The following TMEM40 variants were observed in gnomAD, a reference collection of about 807,000 sequenced individuals.
TMEM40 encodes the protein transmembrane protein 40.
TMEM40 carries 34 observed loss-of-function variants against 40.8 expected under a neutral mutation model. That is an observed-to-expected ratio of 0.83 (90% CI 0.63 to 1.11). TMEM40 has a LOEUF of 1.11. Among genes scored for constraint, TMEM40 ranks in the 50% least tolerant of loss-of-function variants. The pLI is 0.00. For synonymous variants in TMEM40, 106 were observed against 107.0 expected, an observed-to-expected ratio of 0.99 and a Z score of 0.06; for missense variants, 296 against 280.2, an observed-to-expected ratio of 1.06 and a Z score of -0.40.
chr3:12,738,606 CAGTG>C lies in TMEM40; in HGVS notation c.356-22_356-19del, dbSNP rs1192594306. 6 of 1,612,358 alleles carry C rather than the reference CAGTG, an allele frequency of 3.7e-6. No individual in the cohort carries two copies. The highest frequency in any genetic ancestry group is 5.1e-6 in the Non-Finnish European group (6 of 1,178,542). On this transcript the variant is annotated intron_variant, in intron 5 of 11. Transcript: ENST00000314124. ...AGGAGCATCTGCACAGAAAGGAAAT[CAGTG>C]ATCATATACCCATGATCCTCTGGGG...
chr3:12,746,806 T>C (rs1013273618), intron 3 of TMEM40, among the ~76,000 whole-genome samples: 5 of 152,162 alleles, frequency 3.3e-5, no homozygotes, highest in Non-Finnish European at 4.4e-5. Context: ...CTCCAGGGTG[T>C]CTGGGTGCCA....
chr3:12,768,866 C>G (rs562729313), intron 1 of TMEM40, among the ~76,000 whole-genome samples: 1 of 142,350 alleles, frequency 7.0e-6, no homozygotes, highest in Admixed American at 7.3e-5. Context: ...TGGGGAGGCT[C>G]GGCCCTGCAG....
At position 12,743,753 on chromosome 3, in the gene TMEM40, A is replaced by G. The variant is rs553710244; in HGVS notation, c.301+147T>C. 291 of 692,850 alleles carry G rather than the reference A, an allele frequency of 4.2e-4. 3 individuals carry two copies. In the South Asian group the frequency reaches 6.3e-3, roughly 15 times the overall value. 42.9% of individuals were successfully genotyped at this position (692,850 alleles called of 1,614,324 possible). On this transcript the variant is annotated intron_variant, in intron 4 of 11. Coordinates refer to ENST00000314124, the MANE Select transcript of TMEM40 (RefSeq NM_018306.4). ...AGCTGTCACCAGGGCAGGGTGTAGC[A>G]TCCTTTATCTATTCTGCTGCTGTCA...
chr3:12,743,182 G>A (rs2061396617), intron 4 of TMEM40, among the ~76,000 whole-genome samples: 1 of 152,126 alleles, frequency 6.6e-6, no homozygotes, highest in African/African-American at 2.4e-5. Context: ...AGTAAAACAT[G>A]CTCGGCCAGG....
At chr3:12,753,801 T>G (rs1344527069) in intron 1 of TMEM40, among the ~76,000 whole-genome samples, 1 of 152,220 alleles carries the variant, frequency 6.6e-6, no homozygotes, top group African/African-American at 2.4e-5. Flanking sequence ...CCAGGGCCTC[T>G]GTACCCACGG....
At chr3:12,755,215 C>CTTTCTT (rs373985866) in intron 1 of TMEM40, among the ~76,000 whole-genome samples, 27 of 65,212 alleles carry the variant, frequency 4.1e-4, no homozygotes, top group African/African-American at 2.4e-3. Context: ...TTCTTTCTTT[C>CTTTCTT]TCTCTCTCTC....
intron 5 of TMEM40, 134 bp from the exon 6 acceptor site, chr3:12,738,722 G>A: frequency 1.1e-6 from 1 of 894,882 alleles, no homozygotes; most frequent in Non-Finnish European, 1.8e-6. Flanking sequence ...AATGGAGCCG[G>A]CTGGAGGGTT....
At chr3:12,737,835 A>G in intron 7 of TMEM40, 81 bp from the exon 8 acceptor site, 1 of 1,383,378 alleles carries the variant, frequency 7.2e-7, no homozygotes, top group African/African-American at 1.4e-5. Context: ...CTCATTGAGA[A>G]TTAATATCCT....
At chr3:12,748,889 G>C in intron 2 of TMEM40, 97 bp from the exon 3 acceptor site, 1 of 1,103,234 alleles carries the variant, frequency 9.1e-7, no homozygotes, top group Non-Finnish European at 1.3e-6. Context: ...GATTTGGAGA[G>C]CCAGGAAGGA....
At chr3:12,737,624 C>T in intron 8 of TMEM40, 83 bp downstream of exon 8, 2 of 1,311,728 alleles carry the variant, frequency 1.5e-6, no homozygotes, top group Non-Finnish European at 2.2e-6. Flanking sequence ...ATGATTACTG[C>T]TGTGCTAGGC....
rs1559533163 is a variant in TMEM40 at position 12,755,194 on chromosome 3, C to CTTT, written c.-9+3996_-9+3997insAAA. ...TTTCTCTCTCTCTCCTTCCTTCCTTCCTTCCTTTCTTTCTTTCTTTCTCTC... is the reference window on the plus strand; with the variant it reads ...TTTCTCTCTCTCTCCTTCCTTCCTTCTTTCTTCCTTTCTTTCTTTCTTTCTCTC... On this transcript the variant is annotated intron_variant, in intron 1 of 11. Coordinates refer to ENST00000314124, the MANE Select transcript of TMEM40 (RefSeq NM_018306.4). 8.1e-4 allele frequency among the ~76,000 whole-genome samples: 96 copies of CTTT among 118,976 alleles called. 3 individuals are homozygous for CTTT. Among genetic ancestry groups the CTTT allele is most frequent in the South Asian group, 3.2e-3 (13 of 4,048 alleles). The allele number at this position is 118,976 out of a possible 152,430, so 78.1% of individuals were successfully genotyped here.
chr3:12,747,736 C>A (rs1012220448), intron 3 of TMEM40, among the ~76,000 whole-genome samples: 2 of 151,488 alleles, frequency 1.3e-5, no homozygotes, highest in Admixed American at 6.6e-5. Flanking sequence ...ATAAAGAAAC[C>A]CTATCTCTAC....
intron 8 of TMEM40, 80 bp from the exon 9 acceptor site, chr3:12,736,915 G>A (rs538490946): frequency 6.4e-7 from 1 of 1,570,252 alleles, no homozygotes; most frequent in African/African-American, 1.4e-5. Flanking sequence ...GTCTTGCTCT[G>A]TCACCCAGGG....
In TMEM40 at chr3:12,736,881, C is replaced by CT. The variant is rs760437654; in HGVS notation, c.473-47dup. The CT allele has an allele frequency of 3.1e-6, 5 of 1,612,836 alleles. No homozygotes were observed. The South Asian group carries it at 3.3e-5, about 11-fold the overall frequency. On this transcript the variant is annotated intron_variant, in intron 8 of 11. Transcript: ENST00000314124. ...AATCACTATCTGCTGCTTTCTCTCT[C>CT]TTTTTTTGGGCAGAGGAGACAAGGT...
chr3:12,734,346 T>C lies in TMEM40; in HGVS notation c.*428A>G, dbSNP rs2061322852. 6.0e-6 allele frequency: 1 copy of C among 166,374 alleles called. No individual in the cohort carries two copies. The highest frequency in any genetic ancestry group is 2.4e-5 in the African/African-American group (1 of 42,180). 10.3% of individuals were successfully genotyped at this position (166,374 alleles called of 1,614,324 possible). On this transcript the variant is annotated 3_prime_UTR_variant, in exon 12 of 12. Transcript: ENST00000314124. Reference sequence around the variant, plus strand: ...CCGATGGCTCCCTGCCTCAAAGCAGTGGACCATCCATCTCTCCCAGGATGG... The same window carrying C: ...CCGATGGCTCCCTGCCTCAAAGCAGCGGACCATCCATCTCTCCCAGGATGG...
upstream of TMEM40, among the ~76,000 whole-genome samples, chr3:12,760,498 A>G (rs2061561810): frequency 6.6e-6 from 1 of 151,804 alleles, no homozygotes; most frequent in Admixed American, 6.6e-5. Context: ...CTCTGCCTGG[A>G]GTGCTCTCCC....
At chr3:12,738,688 T>A in intron 5 of TMEM40, 100 bp from the exon 6 acceptor site, 1 of 1,315,474 alleles carries the variant, frequency 7.6e-7, no homozygotes, top group Non-Finnish European at 1.1e-6. Flanking sequence ...ACTTCCCACT[T>A]AATCTGGAGT....
upstream of TMEM40, chr3:12,759,671 GGAGGCT>G (rs1469422572): frequency 6.6e-6 from 1 of 152,524 alleles, no homozygotes; most frequent in Non-Finnish European, 1.5e-5. Flanking sequence ...AATGCTCCCA[GGAGGCT>G]GAGGTTGGGC....
intron 10 of TMEM40, 123 bp downstream of exon 10, chr3:12,736,455 A>T: frequency 1.5e-6 from 2 of 1,306,152 alleles, no homozygotes; most frequent in Non-Finnish European, 1.1e-6. Flanking sequence ...TGGCCAGAAA[A>T]TTTTTTTAAA....
Sources: gnomAD v4.1 joint callset for allele counts (sites outside exome capture counted in the v4.1 genomes callset) on GRCh38, gnomAD v4.1.1 for gene constraint, MANE v1.5 for transcripts, NCBI Gene and HGNC (gene_info 2026-07-23, HGNC 2026-07-21) for gene names.